The following STON2 variants were observed in gnomAD, a reference collection of about 807,000 sequenced individuals.
STON2 encodes stonin-2.
A neutral mutation model predicts 65.7 loss-of-function variants in STON2; 29 were observed. That is an observed-to-expected ratio of 0.44 (90% CI 0.33 to 0.60). STON2 has a LOEUF of 0.60. Ranked by LOEUF, STON2 falls within the 20% of genes least tolerant of loss-of-function variation. STON2 has a pLI of 0.03. For missense variants in STON2, 1,054 were observed against 1,118.1 expected (o/e 0.94, Z 0.82); for synonymous variants, 404 against 414.2 (o/e 0.98, Z 0.30).
intron 1 of STON2, among the ~76,000 whole-genome samples, chr14:81,429,343 T>C (rs1042619334): frequency 1.3e-5 from 2 of 152,242 alleles, no homozygotes; most frequent in Non-Finnish European, 2.9e-5. Flanking sequence ...CATTTGACCT[T>C]TCCAGGTTAG....
upstream of STON2, among the ~76,000 whole-genome samples, chr14:81,403,426 C>T (rs1004016160): frequency 2.0e-5 from 3 of 151,940 alleles, no homozygotes; most frequent in Non-Finnish European, 4.4e-5. Flanking sequence ...CTTTCTTTTT[C>T]GAGAAAAAAA....
At chr14:81,316,861 AT>A (rs1298820253) in intron 5 of STON2, among the ~76,000 whole-genome samples, 16 of 152,236 alleles carry the variant, frequency 1.1e-4, no homozygotes, top group African/African-American at 3.6e-4. Flanking sequence ...TCTACCAAAA[AT>A]ACAAAAAATT....
At chr14:81,299,443 C>A (rs934796674) in intron 5 of STON2, among the ~76,000 whole-genome samples, 3 of 152,196 alleles carry the variant, frequency 2.0e-5, no homozygotes, top group Admixed American at 2.0e-4. Flanking sequence ...TCCTCCCAGT[C>A]TCACCTATTC....
chr14:81,278,137 C>T lies in STON2; in HGVS notation c.1345G>A (p.Asp449Asn), dbSNP rs1018054818. Residue 449 changes from aspartate to asparagine, a missense_variant, in exon 6 of 8, where the codon GAC becomes AAC. Asp to Asn is a conservative substitution (Grantham distance 23, BLOSUM62 1). Transcript: ENST00000614646. Reference protein sequence around the residue: ...VEKLKQLQIDDPDHFGSATLP... With the variant: ...VEKLKQLQIDNPDHFGSATLP... ...GTTGCACTGCCAAAGTGATCAGGGT[C>T]ATCAATTTGGAGTTGTTTGAGTTTT... 4 of 1,614,146 alleles carry T rather than the reference C, an allele frequency of 2.5e-6. No homozygotes were observed. The highest frequency in any genetic ancestry group is 3.3e-4 in the Middle Eastern group (2 of 6,062).
chr14:81,368,827 C>G (rs1009098462), intron 4 of STON2, among the ~76,000 whole-genome samples: 1 of 152,208 alleles, frequency 6.6e-6, no homozygotes, highest in African/African-American at 2.4e-5. Context: ...ATTCTCTAGT[C>G]CCAGATTTGC....
intron 2 of STON2, 39 bp downstream of exon 2, chr14:81,398,256 G>C (rs760910062): frequency 7.0e-7 from 1 of 1,430,210 alleles, no homozygotes; most frequent in East Asian, 2.3e-5. Context: ...ATGGTTCTTT[G>C]ACAATCTCTT....
Position 81,262,904 on chromosome 14 carries a change from G to A in STON2, c.*5510C>T. 3.0e-6 allele frequency: 3 copies of A among 985,368 alleles called. No homozygotes were observed. Among genetic ancestry groups the A allele is most frequent in the Non-Finnish European group, 3.6e-6 (3 of 829,906 alleles). The allele number at this position is 985,368 out of a possible 1,614,324, so 61.0% of individuals were successfully genotyped here. A position where few individuals can be genotyped will look rare whatever the true frequency, so the allele number is the denominator to read the frequency against. ...CCTTAAACACATAAATATGAGTCAT[G>A]ATATCTAAAGCCAGTCTCATTTAAA... On this transcript the variant is annotated 3_prime_UTR_variant, in exon 8 of 8. Coordinates refer to ENST00000614646, the MANE Select transcript of STON2 (RefSeq NM_001394390.1).
At chr14:81,347,615 T>TAAAAAAAAAAAAAAAAA (rs55784716) in intron 4 of STON2, among the ~76,000 whole-genome samples, 2 of 72,616 alleles carry the variant, frequency 2.8e-5, no homozygotes, top group African/African-American at 5.4e-5. Flanking sequence ...AAGAAGACAG[T>TAAAAAAAAAAAAAAAAA]AAAAAAAAAA....
intron 1 of STON2, chr14:81,427,267 TA>T (rs1356172623): frequency 7.9e-5 from 12 of 152,316 alleles, no homozygotes; most frequent in African/African-American, 2.9e-4. Flanking sequence ...CTGGCTTTCT[TA>T]TAGCCAGGAC....
rs544442491 is a variant in STON2 at position 81,264,386 on chromosome 14, G to C, written c.*4028C>G. On this transcript the variant is annotated 3_prime_UTR_variant, in exon 8 of 8. Transcript: ENST00000614646. Reference sequence around the variant, plus strand: ...GATAAGTAAGGGTTAAGTAGCCTTCGAGTCTCAGGGTCAGTATTCTTTCAG... The same window carrying C: ...GATAAGTAAGGGTTAAGTAGCCTTCCAGTCTCAGGGTCAGTATTCTTTCAG... 1 of 985,392 alleles carries C rather than the reference G, an allele frequency of 1.0e-6. No homozygotes were observed. Among genetic ancestry groups the C allele is most frequent in the Admixed American group, 6.1e-5 (1 of 16,276 alleles). 61.0% of individuals were successfully genotyped at this position (985,392 alleles called of 1,614,324 possible). A position where few individuals can be genotyped will look rare whatever the true frequency, so the allele number is the denominator to read the frequency against.
At chr14:81,424,556 T>C (rs1294798957) in intron 2 of STON2, among the ~76,000 whole-genome samples, 4 of 151,940 alleles carry the variant, frequency 2.6e-5, no homozygotes, top group Non-Finnish European at 5.9e-5. Flanking sequence ...ACTTCTACAA[T>C]GATATGATTT....
intron 4 of STON2, among the ~76,000 whole-genome samples, chr14:81,347,902 C>CAAAAAAAAAAAAAAAAAA (rs755109204): frequency 3.9e-5 from 2 of 51,560 alleles, no homozygotes; most frequent in Non-Finnish European, 6.9e-5. Flanking sequence ...TGTCTCTTAC[C>CAAAAAAAAAAAAAAAAAA]AAAAAAAAAA....
chr14:81,322,079 G>A (rs28368780), intron 5 of STON2, among the ~76,000 whole-genome samples: 2,338 of 152,296 alleles, frequency 0.015, 52 homozygotes, highest in African/African-American at 0.053. Flanking sequence ...AAAACCTGTC[G>A]TGTTTGCTGG....
intron 4 of STON2, among the ~76,000 whole-genome samples, chr14:81,324,766 A>C (rs998689640): frequency 5.9e-5 from 9 of 152,252 alleles, no homozygotes; most frequent in Admixed American, 5.9e-4. Flanking sequence ...TGAAAGTTCA[A>C]GAACTTATTT....
At chr14:81,318,950 T>G (rs1896723340) in intron 5 of STON2, among the ~76,000 whole-genome samples, 1 of 152,240 alleles carries the variant, frequency 6.6e-6, no homozygotes, top group Non-Finnish European at 1.5e-5. Flanking sequence ...GCTAACAGAT[T>G]AGTGACATTA....
rs954331862 is a variant in STON2 at position 81,303,057 on chromosome 14, GGGGTGT to G, written c.742+20954_742+20959del. On this transcript the variant is annotated intron_variant, in intron 5 of 7. Transcript: ENST00000614646. ...GTTCAGTGAGGGTGTACATGTGTGGGGGGTGTGTGTGTGTGTGTGTGTGTGTGTAAA... is the reference window on the plus strand; with the variant it reads ...GTTCAGTGAGGGTGTACATGTGTGGGGTGTGTGTGTGTGTGTGTGTGTAAA... Among the ~76,000 whole-genome samples, 134 of 51,986 alleles carry G rather than the reference GGGGTGT, an allele frequency of 2.6e-3. 1 individual carries two copies. Among genetic ancestry groups the G allele is most frequent in the East Asian group, 7.6e-3 (18 of 2,356 alleles). 34.1% of individuals were successfully genotyped at this position (51,986 alleles called of 152,430 possible).
intron 3 of STON2, among the ~76,000 whole-genome samples, chr14:81,384,502 G>A (rs1209279831): frequency 4.3e-5 from 6 of 140,950 alleles, no homozygotes; most frequent in African/African-American, 1.5e-4. Flanking sequence ...TACCAAAGTG[G>A]TGGGATTACA....
At position 81,292,422 on chromosome 14, in the gene STON2, G is replaced by T. The variant is rs1016924162; in HGVS notation, c.743-13683C>A. 3.5e-4 allele frequency among the ~76,000 whole-genome samples: 53 copies of T among 151,454 alleles called. 1 individual carries two copies. The highest frequency in any genetic ancestry group is 8.8e-5 in the Non-Finnish European group (6 of 68,024). On this transcript the variant is annotated intron_variant, in intron 5 of 7. Coordinates refer to ENST00000614646, the MANE Select transcript of STON2 (RefSeq NM_001394390.1). ...CATCCAAATCTCATCTTGACTTATG[G>T]TTCCCATAATCCCCTCTTGTCATTG...
intron 4 of STON2, among the ~76,000 whole-genome samples, chr14:81,353,071 T>TTA (rs1488716786): frequency 1.3e-5 from 2 of 152,292 alleles, no homozygotes; most frequent in East Asian, 3.9e-4. Flanking sequence ...TATGTAAACT[T>TTA]AGAGAGCATT....
Sources: allele counts gnomAD v4.1 joint callset (sites outside exome capture counted in the v4.1 genomes callset), GRCh38; gene constraint gnomAD v4.1.1; transcripts MANE v1.5; gene names NCBI Gene and HGNC (gene_info 2026-07-23, HGNC 2026-07-21).